ICE2: variants seen among roughly 807,000 people sequenced by gnomAD.
ICE2 encodes the protein interactor of little elongation complex ELL subunit 2, also known as little elongation complex subunit 2.
ICE2 carries 87 observed loss-of-function variants against 105.4 expected under a neutral mutation model. The ratio of observed to expected loss-of-function variants is 0.83; its 90% CI spans 0.69 to 0.99. ICE2 has a LOEUF of 0.99. ICE2 is among the 50% of genes least tolerant of loss of function. ICE2 has a pLI of 0.00. For synonymous variants in ICE2, 399 were observed against 392.0 expected (o/e 1.02, Z -0.21); for missense variants, 1,323 against 1,146.7 (o/e 1.15, Z -2.22).
At position 60,456,749 on chromosome 15, in the gene ICE2, A is replaced by T; in HGVS notation, c.574T>A (p.Phe192Ile). Residue 192 changes from phenylalanine (F) to isoleucine (I), a missense_variant, in exon 6 of 16, where the codon TTC becomes ATC. Physicochemically the swap from Phe to Ile is conservative, Grantham distance 21. Coordinates refer to ENST00000261520, the MANE Select transcript of ICE2 (RefSeq NM_024611.6). ...CIEQVKKYSE[F>I]YTLHEVTSLM... ...CTGGTGACCTCGTGGAGAGTATAGA[A>T]TTCTGAATACTTTTTCACTTGTTCA... 6.5e-7 allele frequency: 1 copy of T among 1,546,814 alleles called. No individual in the cohort carries two copies. Among genetic ancestry groups the T allele is most frequent in the South Asian group, 1.3e-5 (1 of 79,984 alleles).
rs534898863 is a variant in ICE2, at chr15:60,447,264, C to T, written c.2295+706G>A. On this transcript the variant is annotated intron_variant, in intron 11 of 15. Coordinates refer to ENST00000261520, the MANE Select transcript of ICE2 (RefSeq NM_024611.6). ...ACTTCTAAAGTAAGTCAACAAGAGC[C>T]CCAAAGTGAAAAGAACTCGAGTTCA... is the stretch of plus-strand genomic sequence containing the variant. Among the ~76,000 whole-genome samples the T allele has an allele frequency of 1.1e-4, 16 of 152,160 alleles. No individual in the cohort carries two copies. In the East Asian group the frequency reaches 2.9e-3, roughly 28 times the overall value.
intron 6 of ICE2, among the ~76,000 whole-genome samples, chr15:60,456,185 A>G (rs1032313741): frequency 6.6e-6 from 1 of 152,002 alleles, no homozygotes; most frequent in Non-Finnish European, 1.5e-5. Context: ...AAAGAAAGGG[A>G]AACAGATTGG....
intron 12 of ICE2, chr15:60,440,730 A>G (rs1446018372): frequency 6.6e-6 from 1 of 152,202 alleles, no homozygotes; most frequent in Non-Finnish European, 1.5e-5. Flanking sequence ...AAAGAGTATT[A>G]TAACATTTTT....
intron 15 of ICE2, 121 bp from the exon 16 acceptor site, chr15:60,423,883 C>T (rs1566963731): frequency 2.3e-6 from 2 of 878,802 alleles, no homozygotes; most frequent in Non-Finnish European, 3.1e-6. Flanking sequence ...ATATATTTTT[C>T]ATCTCCAGCT....
At chr15:60,461,159 T>G (rs2064266589) in intron 5 of ICE2, among the ~76,000 whole-genome samples, 1 of 152,136 alleles carries the variant, frequency 6.6e-6, no homozygotes, top group Non-Finnish European at 1.5e-5. Flanking sequence ...GAGAATCACT[T>G]GGGATAGGCA....
chr15:60,472,821 C>A (rs1032036902), intron 3 of ICE2, among the ~76,000 whole-genome samples: 10 of 152,064 alleles, frequency 6.6e-5, no homozygotes, highest in Non-Finnish European at 1.3e-4. Flanking sequence ...GACACCAACT[C>A]TAAAATTAAA....
chr15:60,466,571 AC>A, intron 5 of ICE2, 22 bp downstream of exon 5: 1 of 1,607,760 alleles, frequency 6.2e-7, no homozygotes, highest in Non-Finnish European at 8.5e-7. Context: ...CGCAATTTAC[AC>A]AAATGTGAGT....
At chr15:60,443,519 T>C (rs1196740290) in intron 11 of ICE2, among the ~76,000 whole-genome samples, 1 of 152,224 alleles carries the variant, frequency 6.6e-6, no homozygotes, top group Non-Finnish European at 1.5e-5. Flanking sequence ...TGCTGTTTCA[T>C]GTGATTTGCC....
Position 60,468,272 on chromosome 15 carries a change from G to A in ICE2, c.197C>T (p.Pro66Leu), listed in dbSNP as rs748464020. 50 of 1,612,704 alleles carry A rather than the reference G, an allele frequency of 3.1e-5. No homozygotes were observed. Among genetic ancestry groups the A allele is most frequent in the Non-Finnish European group, 3.8e-5 (45 of 1,179,028 alleles). The change falls in exon 4 of 16, where the codon CCG becomes CTG. Residue 66 changes from proline to leucine, a missense_variant. Pro to Leu is a moderately conservative substitution (Grantham distance 98). Transcript: ENST00000261520. ...TGCTTGAGTTGCTGAACTAACTGCCGGCTCATTTTCTACAGAACTTGCTGA... is the reference window on the plus strand; with the variant it reads ...TGCTTGAGTTGCTGAACTAACTGCCAGCTCATTTTCTACAGAACTTGCTGA... ...NASASSVENEPAVSSATQAKE... is the reference protein window; with the variant it reads ...NASASSVENELAVSSATQAKE...
chr15:60,433,339 G>C (rs1222272884), intron 13 of ICE2, among the ~76,000 whole-genome samples: 2 of 151,898 alleles, frequency 1.3e-5, no homozygotes, highest in African/African-American at 2.4e-5. Context: ...ACCCGCCTCA[G>C]CTTCCCAAAG....
rs778457568 is a variant in ICE2, at chr15:60,455,113, G to T, written c.833C>A (p.Pro278His). The T allele has an allele frequency of 6.3e-7, 1 of 1,593,844 alleles. No individual in the cohort carries two copies. Among genetic ancestry groups the T allele is most frequent in the Non-Finnish European group, 8.5e-7 (1 of 1,174,242 alleles). Reference protein sequence around the residue: ...NAEKLVSRYHPQIALTSQSLF... With the variant: ...NAEKLVSRYHHQIALTSQSLF... Reference sequence around the variant, plus strand: ...TGACTGACTAGTTAGAGCTATCTGAGGGTGATATCTGGAAACAAGCTTCTC... The same window carrying T: ...TGACTGACTAGTTAGAGCTATCTGATGGTGATATCTGGAAACAAGCTTCTC... The change falls in exon 8 of 16, where the codon CCT becomes CAT. Residue 278 changes from proline to histidine, a missense_variant. Physicochemically the swap from Pro to His is moderately conservative, Grantham distance 77 (BLOSUM62 -2). Transcript: ENST00000261520.
chr15:60,462,043 C>T (rs2064292948), intron 5 of ICE2, among the ~76,000 whole-genome samples: 1 of 151,710 alleles, frequency 6.6e-6, no homozygotes, highest in African/African-American at 2.4e-5. Flanking sequence ...GAAAAGACAC[C>T]AACATTGGAG....
intron 15 of ICE2, among the ~76,000 whole-genome samples, chr15:60,425,556 T>C (rs934939026): frequency 3.9e-5 from 6 of 152,090 alleles, no homozygotes; most frequent in African/African-American, 1.2e-4. Flanking sequence ...TTAAATACAA[T>C]CTCTACTTGA....
Position 60,420,853 on chromosome 15 carries a change from T to C in ICE2, c.*2781A>G, listed in dbSNP as rs1029505263. 2.0e-5 allele frequency: 3 copies of C among 152,200 alleles called. No individual in the cohort carries two copies. Among genetic ancestry groups the C allele is most frequent in the Admixed American group, 6.5e-5 (1 of 15,274 alleles). 9.4% of individuals were successfully genotyped at this position (152,200 alleles called of 1,614,324 possible). A position where few individuals can be genotyped will look rare whatever the true frequency, so the allele number is the denominator to read the frequency against. ...GTGATCTCCTGAAAAAAAAAATCTT[T>C]GATACCTACACATTCATGCATCTAA... On this transcript the variant is annotated 3_prime_UTR_variant, in exon 16 of 16. Coordinates refer to ENST00000261520, the MANE Select transcript of ICE2 (RefSeq NM_024611.6).
Position 60,448,130 on chromosome 15 carries a change from A to G in ICE2, c.2135T>C (p.Leu712Pro). The change falls in exon 11 of 16, where the codon CTT becomes CCT. Residue 712 changes from leucine to proline, a missense_variant. Coordinates refer to ENST00000261520, the MANE Select transcript of ICE2 (RefSeq NM_024611.6). ...QKPKGRLPYELQDYVEDTSEY... is the reference protein window; with the variant it reads ...QKPKGRLPYEPQDYVEDTSEY... ...CGATGTATCTTCAACATAGTCCTGA[A>G]GTTCATATGGCAATCCTTTAAAAAT... 6.2e-7 allele frequency: 1 copy of G among 1,608,366 alleles called. No homozygotes were observed. The highest frequency in any genetic ancestry group is 8.5e-7 in the Non-Finnish European group (1 of 1,176,084).
chr15:60,453,591 A>AT lies in ICE2; in HGVS notation c.1125+11_1125+12insA. 3 of 1,609,782 alleles carry AT rather than the reference A, an allele frequency of 1.9e-6. No homozygotes were observed. Among genetic ancestry groups the AT allele is most frequent in the Non-Finnish European group, 2.5e-6 (3 of 1,178,564 alleles). On this transcript the variant is annotated intron_variant, in intron 9 of 15. Coordinates refer to ENST00000261520, the MANE Select transcript of ICE2 (RefSeq NM_024611.6). ...TACATTCCCCTTAGGGGAAAAAAAAAGCATTACATACGTCCATTTCAGATA... is the reference window on the plus strand; with the variant it reads ...TACATTCCCCTTAGGGGAAAAAAAAATGCATTACATACGTCCATTTCAGATA...
At chr15:60,469,756 A>G (rs372064850) in intron 3 of ICE2, among the ~76,000 whole-genome samples, 5 of 152,162 alleles carry the variant, frequency 3.3e-5, no homozygotes, top group African/African-American at 1.2e-4. Context: ...TTTACTCCCA[A>G]ATAAATTTCT....
At chr15:60,437,782 G>A (rs1450959554) in intron 12 of ICE2, 3 of 151,322 alleles carry the variant, frequency 2.0e-5, no homozygotes, top group Non-Finnish European at 1.5e-5. Context: ...CTCCTGAGTA[G>A]CTAAGACTAT....
chr15:60,422,675 A>G lies in ICE2; in HGVS notation c.*959T>C, dbSNP rs952177715. ...CATGGTAACACCCTGTCTCTACTAA[A>G]AATACAAAAAAAAATTAGCCAAGCC... On this transcript the variant is annotated 3_prime_UTR_variant, in exon 16 of 16. Coordinates refer to ENST00000261520, the MANE Select transcript of ICE2 (RefSeq NM_024611.6). The G allele has an allele frequency of 1.2e-5, 1 of 85,486 alleles. No individual in the cohort carries two copies. The highest frequency in any genetic ancestry group is 3.0e-5 in the Non-Finnish European group (1 of 33,616). The allele number at this position is 85,486 out of a possible 1,614,324, so 5.3% of individuals were successfully genotyped here.
Sources: allele counts gnomAD v4.1 joint callset (sites outside exome capture counted in the v4.1 genomes callset), GRCh38; gene constraint gnomAD v4.1.1; transcripts MANE v1.5; gene names NCBI Gene and HGNC (gene_info 2026-07-23, HGNC 2026-07-21).